Variants in RAD54L2 observed in about 807,000 individuals in gnomAD.
RAD54L2 encodes RAD54 like 2.
Under a neutral mutation model 138.4 loss-of-function variants are expected in RAD54L2, and 27 were observed. The ratio of observed to expected loss-of-function variants is 0.20; its 90% CI spans 0.14 to 0.27. The LOEUF (loss-of-function observed/expected upper bound fraction) is 0.27. Among genes scored for constraint, RAD54L2 ranks in the 10% least tolerant of loss-of-function variants. RAD54L2 has a pLI of 1.00. For missense variants in RAD54L2, 1,396 were observed against 1,890.2 expected, an observed-to-expected ratio of 0.74 and a Z score of 4.85; for synonymous variants, 644 against 723.2, an observed-to-expected ratio of 0.89 and a Z score of 1.76.
At chr3:51,617,552 T>A (rs1700472205) in intron 3 of RAD54L2, among the ~76,000 whole-genome samples, 1 of 152,222 alleles carries the variant, frequency 6.6e-6, no homozygotes, top group African/African-American at 2.4e-5. Flanking sequence ...TTGGATTCTG[T>A]GTAGTCTTAC....
intron 19 of RAD54L2, among the ~76,000 whole-genome samples, chr3:51,653,351 A>C (rs541463103): frequency 3.9e-4 from 59 of 152,348 alleles, no homozygotes; most frequent in Non-Finnish European, 7.9e-4. Flanking sequence ...AACTAGTTCA[A>C]CCATTGTGGA....
chr3:51,609,335 A>T (rs5016593), intron 3 of RAD54L2, among the ~76,000 whole-genome samples: 149,314 of 152,372 alleles, frequency 0.98, 73,175 homozygotes, highest in East Asian at 1. Flanking sequence ...GGCATGGCTT[A>T]AAATGATGCT....
At chr3:51,554,076 CA>C (rs1161547619) in intron 2 of RAD54L2, among the ~76,000 whole-genome samples, 1 of 152,090 alleles carries the variant, frequency 6.6e-6, no homozygotes, top group Non-Finnish European at 1.5e-5. Context: ...AGCAATTTCT[CA>C]AAATAAGACA....
chr3:51,630,367 G>A lies in RAD54L2; in HGVS notation c.577G>A (p.Asp193Asn), dbSNP rs890088587. The change falls in exon 6 of 23, where the codon GAT becomes AAT. Residue 193 changes from aspartate to asparagine, a missense_variant. This residue lies in a region of RAD54L2 where 256 missense variants were observed against 344.6 expected (regional missense o/e 0.74). Coordinates refer to ENST00000684192, the MANE Select transcript of RAD54L2 (RefSeq NM_015106.4). ...TTTGGACAGTAGCAGTGGCAGTGAGGATGAAAAAAGCAGTCGAGATGGTAA... is the reference window on the plus strand; with the variant it reads ...TTTGGACAGTAGCAGTGGCAGTGAGAATGAAAAAAGCAGTCGAGATGGTAA... ...ICLDSSSGSE[D>N]EKSSRDEVIE... 1 of 1,613,894 alleles carries A rather than the reference G, an allele frequency of 6.2e-7. No homozygotes were observed. The highest frequency in any genetic ancestry group is 1.7e-5 in the Admixed American group (1 of 60,016).
intron 3 of RAD54L2, among the ~76,000 whole-genome samples, chr3:51,606,513 G>A (rs1700183550): frequency 6.6e-6 from 1 of 152,140 alleles, no homozygotes; most frequent in Non-Finnish European, 1.5e-5. Flanking sequence ...CTCTAAAAAT[G>A]CTCTTCTAGC....
chr3:51,577,938 T>A (rs1577399612), intron 2 of RAD54L2, among the ~76,000 whole-genome samples: 1 of 152,308 alleles, frequency 6.6e-6, no homozygotes, highest in Middle Eastern at 3.4e-3. Flanking sequence ...CTCTAAATAC[T>A]TTATTATTTC....
chr3:51,567,405 C>G (rs1699241419), intron 2 of RAD54L2, among the ~76,000 whole-genome samples: 1 of 152,230 alleles, frequency 6.6e-6, no homozygotes, highest in South Asian at 2.1e-4. Context: ...TTGGTTTCTA[C>G]CAGTTATTCA....
chr3:51,541,457 G>C (rs1187909933), intron 1 of RAD54L2, 132 bp from the exon 2 acceptor site: 1 of 152,152 alleles, frequency 6.6e-6, no homozygotes, highest in Non-Finnish European at 1.5e-5. Flanking sequence ...TTTGGTGTAT[G>C]TCTCAACGAG....
chr3:51,614,232 GT>G (rs1197619225), intron 3 of RAD54L2, among the ~76,000 whole-genome samples: 1 of 151,366 alleles, frequency 6.6e-6, no homozygotes, highest in Non-Finnish European at 1.5e-5. Flanking sequence ...AATGATCTTA[GT>G]TCCCTGTAAC....
rs1399351691 is a variant in RAD54L2 at position 51,657,650 on chromosome 3, C to T, written c.3297C>T (p.His1099=). The part of the protein sequence containing the change: ...QARINAGESI[H]IIRGTKGTYI... ...GAATTAATGCTGGTGAGAGCATCCA[C>T]ATCATCCGTGGGACAAAAGGTAAGA... Residue 1099 remains histidine (H), a synonymous_variant, in exon 21 of 23, where the codon CAC becomes CAT. Coordinates refer to ENST00000684192, the MANE Select transcript of RAD54L2 (RefSeq NM_015106.4). The T allele has an allele frequency of 6.3e-6, 10 of 1,575,970 alleles. No homozygotes were observed. The highest frequency in any genetic ancestry group is 8.6e-6 in the Non-Finnish European group (10 of 1,158,000).
chr3:51,548,617 A>G (rs1698758871), intron 2 of RAD54L2, among the ~76,000 whole-genome samples: 2 of 152,168 alleles, frequency 1.3e-5, no homozygotes, highest in African/African-American at 4.8e-5. Flanking sequence ...AGCTGATAAT[A>G]AGAAAAGCTG....
At chr3:51,628,639 C>T (rs1700752571) in intron 4 of RAD54L2, among the ~76,000 whole-genome samples, 1 of 152,034 alleles carries the variant, frequency 6.6e-6, no homozygotes, top group Admixed American at 6.6e-5. Context: ...AACTGCCCAC[C>T]TTCGCCTCCC....
At chr3:51,595,931 GTCT>G (rs1391070011) in intron 3 of RAD54L2, among the ~76,000 whole-genome samples, 24 of 143,704 alleles carry the variant, frequency 1.7e-4, no homozygotes, top group Middle Eastern at 3.3e-3. Flanking sequence ...CATTCATTCA[GTCT>G]TCTTTTTTTT....
intron 2 of RAD54L2, among the ~76,000 whole-genome samples, chr3:51,575,341 G>A (rs1225349819): frequency 1.3e-5 from 2 of 151,968 alleles, no homozygotes; most frequent in Admixed American, 6.6e-5. Context: ...GCTCTTTTTT[G>A]GTTCCATATG....
intron 2 of RAD54L2, among the ~76,000 whole-genome samples, chr3:51,563,056 G>GT (rs201767976): frequency 0.013 from 1,903 of 152,162 alleles, 17 homozygotes; most frequent in South Asian, 0.042. Flanking sequence ...CACTCTTAGT[G>GT]TTTTTTTGCC....
chr3:51,587,764 A>G (rs1307006751), intron 2 of RAD54L2, among the ~76,000 whole-genome samples: 2 of 152,102 alleles, frequency 1.3e-5, no homozygotes, highest in East Asian at 1.9e-4. Flanking sequence ...TTATGTTTCA[A>G]ATTATCTGAA....
intron 2 of RAD54L2, among the ~76,000 whole-genome samples, chr3:51,587,303 C>T (rs557288629): frequency 2.1e-4 from 32 of 151,948 alleles, no homozygotes; most frequent in Non-Finnish European, 3.8e-4. Context: ...GAGTTTCACA[C>T]GTGTTAGCCA....
At chr3:51,543,608 CAAAAAAAA>C (rs1169502388) in intron 2 of RAD54L2, among the ~76,000 whole-genome samples, 1 of 60,472 alleles carries the variant, frequency 1.7e-5, no homozygotes, top group African/African-American at 5.4e-5. Flanking sequence ...AACTCCATCT[CAAAAAAAA>C]AAAAAAAAAA....
intron 2 of RAD54L2, among the ~76,000 whole-genome samples, chr3:51,582,730 A>G (rs75629698): frequency 0.03 from 4,570 of 151,830 alleles, 499 homozygotes; most frequent in East Asian, 0.2. Context: ...GTGCTATTCA[A>G]TGACTTCCTA....
Sources: allele counts gnomAD v4.1 joint callset (sites outside exome capture counted in the v4.1 genomes callset), GRCh38; gene constraint gnomAD v4.1.1; regional missense constraint gnomAD v4.1.1; transcripts MANE v1.5; gene names NCBI Gene and HGNC (gene_info 2026-07-23, HGNC 2026-07-21).